The following GALNT10 variants were observed in gnomAD, a reference collection of about 807,000 sequenced individuals.
GALNT10 encodes the protein polypeptide N-acetylgalactosaminyltransferase 10.
A neutral mutation model predicts 75.0 loss-of-function variants in GALNT10; 41 were observed. That is an observed-to-expected ratio of 0.55 (90% CI 0.43 to 0.71). The LOEUF (loss-of-function observed/expected upper bound fraction) is 0.71, where lower values mean the gene tolerates loss of function less well. Among genes scored for constraint, GALNT10 ranks in the 30% least tolerant of loss-of-function variants. The probability of loss-of-function intolerance (pLI) is 0.00; values close to 1 mark genes in which losing one functional copy is unlikely to be tolerated. For missense variants in GALNT10, 727 were observed against 818.5 expected (o/e 0.89, Z 1.36); for synonymous variants, 302 against 313.0 (o/e 0.96, Z 0.37).
intron 1 of GALNT10, among the ~76,000 whole-genome samples, chr5:154,195,642 GA>G (rs1004930997): frequency 6.6e-6 from 1 of 152,172 alleles, no homozygotes; most frequent in African/African-American, 2.4e-5. Context: ...CTGAGGCCGA[GA>G]AAAAGGGAAA....
chr5:154,267,701 C>G (rs17628118), intron 1 of GALNT10, among the ~76,000 whole-genome samples: 20,864 of 152,102 alleles, frequency 0.14, 1,693 homozygotes, highest in Non-Finnish European at 0.18. Context: ...TTGCTAAGAG[C>G]CTTCTAACTC....
chr5:154,390,951 A>G (rs1033253633), intron 7 of GALNT10, among the ~76,000 whole-genome samples: 1 of 152,182 alleles, frequency 6.6e-6, no homozygotes, highest in African/African-American at 2.4e-5. Flanking sequence ...ATTTGATCCA[A>G]TTATGTCCGT....
At chr5:154,282,225 G>A (rs1031256673) in intron 1 of GALNT10, among the ~76,000 whole-genome samples, 1 of 152,148 alleles carries the variant, frequency 6.6e-6, no homozygotes, top group Non-Finnish European at 1.5e-5. Context: ...CTCCATAACA[G>A]CATTAATCCA....
intron 1 of GALNT10, among the ~76,000 whole-genome samples, chr5:154,217,669 A>C (rs2113652461): frequency 6.6e-6 from 1 of 152,312 alleles, no homozygotes; most frequent in South Asian, 2.1e-4. Flanking sequence ...CCCTGTCACC[A>C]AAACAAGTGT....
At chr5:154,258,492 T>G (rs1318852780) in intron 1 of GALNT10, among the ~76,000 whole-genome samples, 1 of 152,238 alleles carries the variant, frequency 6.6e-6, no homozygotes, top group African/African-American at 2.4e-5. Context: ...CAAGGCTGTG[T>G]GACTTGTCTA....
intron 4 of GALNT10, among the ~76,000 whole-genome samples, chr5:154,342,627 T>A (rs923436181): frequency 6.6e-6 from 1 of 152,218 alleles, no homozygotes; most frequent in Non-Finnish European, 1.5e-5. Context: ...TGGATAGTGA[T>A]GTCTTTGAAT....
At chr5:154,215,966 TAG>T (rs1326014846) in intron 1 of GALNT10, among the ~76,000 whole-genome samples, 13 of 152,218 alleles carry the variant, frequency 8.5e-5, no homozygotes, top group African/African-American at 3.1e-4. Context: ...TTTGAAAAGG[TAG>T]AGTTTGTGGC....
intron 1 of GALNT10, among the ~76,000 whole-genome samples, chr5:154,249,942 G>T (rs1415186929): frequency 4.6e-5 from 7 of 152,170 alleles, no homozygotes; most frequent in Admixed American, 3.9e-4. Context: ...AGCAGCATCA[G>T]GCCTCCCTGT....
At chr5:154,230,535 C>T (rs1193011433) in intron 1 of GALNT10, among the ~76,000 whole-genome samples, 1 of 152,188 alleles carries the variant, frequency 6.6e-6, no homozygotes, top group Non-Finnish European at 1.5e-5. Context: ...CCATAGGCTT[C>T]TGTGTCTGGC....
At position 154,376,065 on chromosome 5, in the gene GALNT10, T is replaced by C. The variant is rs144657898; in HGVS notation, c.569-212T>C. ...TCTCTCTGTTCCAGGTCGTGGCACC[T>C]TCACTGGACCTCTTTAAGCCTTAAT... On this transcript the variant is annotated intron_variant, in intron 4 of 11. Coordinates refer to ENST00000297107, the MANE Select transcript of GALNT10 (RefSeq NM_198321.4). The surrounding 1 kb of genome is among the most constrained non-coding windows in gnomAD (Gnocchi z 4.1). 6.6e-6 allele frequency among the ~76,000 whole-genome samples: 1 copy of C among 152,220 alleles called. No individual in the cohort carries two copies. The highest frequency in any genetic ancestry group is 1.5e-5 in the Non-Finnish European group (1 of 68,048).
At chr5:154,345,592 A>G (rs1755108766) in intron 4 of GALNT10, among the ~76,000 whole-genome samples, 1 of 148,654 alleles carries the variant, frequency 6.7e-6, no homozygotes, top group East Asian at 2.0e-4. Flanking sequence ...ATGTCCTCCA[A>G]GTTCATCCAG....
rs181016705 is a variant in GALNT10 at position 154,352,257 on chromosome 5, C to T, written c.568+22519C>T. ...AAGGCTCCCTCAGCCACCCCCGGCT[C>T]CAGCTACTCTTCCACACCCCAAACT... On this transcript the variant is annotated intron_variant, in intron 4 of 11. Transcript: ENST00000297107. This position sits in a 1 kb window ranked among gnomAD's most constrained non-coding sequence, Gnocchi z 4.4. 1.9e-3 allele frequency among the ~76,000 whole-genome samples: 284 copies of T among 152,346 alleles called. No homozygotes were observed. The highest frequency in any genetic ancestry group is 6.6e-3 in the African/African-American group (275 of 41,576).
chr5:154,200,531 T>C (rs1006518543), intron 1 of GALNT10, among the ~76,000 whole-genome samples: 1 of 152,170 alleles, frequency 6.6e-6, no homozygotes, highest in South Asian at 2.1e-4. Flanking sequence ...TGTTTCCTCC[T>C]GAGTATTGAT....
At chr5:154,295,008 GTTCA>G (rs1754253139) in intron 2 of GALNT10, 90 bp downstream of exon 2, 21 of 567,930 alleles carry the variant, frequency 3.7e-5, no homozygotes, top group Admixed American at 1.9e-4. Flanking sequence ...GTGTGTGTGT[GTTCA>G]TGTGTGTGTT....
At chr5:154,336,286 C>T (rs1754944368) in intron 4 of GALNT10, among the ~76,000 whole-genome samples, 1 of 152,208 alleles carries the variant, frequency 6.6e-6, no homozygotes. Flanking sequence ...AGTAAAACTA[C>T]TATGAACATT....
At chr5:154,286,648 GC>G (rs1754116699) in intron 1 of GALNT10, among the ~76,000 whole-genome samples, 1 of 152,172 alleles carries the variant, frequency 6.6e-6, no homozygotes, top group South Asian at 2.1e-4. Context: ...ATATGGTTCT[GC>G]CCTTGGAAAC....
In GALNT10 at chr5:154,361,999, T is replaced by TC. The variant is rs140806134; in HGVS notation, c.569-14277dup. Among the ~76,000 whole-genome samples the TC allele has an allele frequency of 7.0e-3, 1,068 of 152,308 alleles. 13 individuals are homozygous for TC. Among genetic ancestry groups the TC allele is most frequent in the African/African-American group, 0.024 (1,008 of 41,562 alleles). On this transcript the variant is annotated intron_variant, in intron 4 of 11. Transcript: ENST00000297107. Reference sequence around the variant, plus strand: ...ATCTATGGCTCCACCCAGACAGCCATCTGGGTCCCTGAATGGGAACAAGAT... The same window carrying TC: ...ATCTATGGCTCCACCCAGACAGCCATCCTGGGTCCCTGAATGGGAACAAGAT...
intron 1 of GALNT10, among the ~76,000 whole-genome samples, chr5:154,205,858 T>A (rs1263407096): frequency 6.6e-6 from 1 of 152,096 alleles, no homozygotes; most frequent in Non-Finnish European, 1.5e-5. Context: ...CCTAGAGGCT[T>A]TGGAGATAGG....
At chr5:154,291,666 A>G (rs980749532) in intron 1 of GALNT10, among the ~76,000 whole-genome samples, 2 of 152,176 alleles carry the variant, frequency 1.3e-5, no homozygotes, top group African/African-American at 4.8e-5. Context: ...AGTAACATCT[A>G]CCATTGGCCC....
Sources: gnomAD v4.1 joint callset for allele counts (sites outside exome capture counted in the v4.1 genomes callset) on GRCh38, gnomAD v4.1.1 for gene constraint, Gnocchi (gnomAD v3.1) non-coding constraint, MANE v1.5 for transcripts, NCBI Gene and HGNC (gene_info 2026-07-23, HGNC 2026-07-21) for gene names.